The following TAFA4 variants were observed in gnomAD, a reference collection of about 807,000 sequenced individuals.
TAFA4 encodes the protein TAFA chemokine like family member 4.
In TAFA4, 20 loss-of-function variants were observed where a neutral mutation model predicts 21.1. That is an observed-to-expected ratio of 0.95 (90% confidence interval 0.67 to 1.38). The LOEUF is 1.38. Among genes scored for constraint, TAFA4 ranks in the 40% most tolerant of loss-of-function variants. The pLI is 0.00. For missense variants in TAFA4, 211 were observed against 180.9 expected (o/e 1.17, Z -0.95); for synonymous variants, 71 against 67.4 (o/e 1.05, Z -0.26).
chr3:68,813,502 G>A (rs1313325806), intron 3 of TAFA4, among the ~76,000 whole-genome samples: 1 of 152,156 alleles, frequency 6.6e-6, no homozygotes, highest in Non-Finnish European at 1.5e-5. Context: ...CGATCCCACA[G>A]AAATACAAAC....
chr3:68,851,890 G>A (rs7431682), intron 3 of TAFA4, among the ~76,000 whole-genome samples: 1 of 152,116 alleles, frequency 6.6e-6, no homozygotes, highest in Non-Finnish European at 1.5e-5. Flanking sequence ...CAGATCTATA[G>A]GACAAGGGTG....
intron 3 of TAFA4, among the ~76,000 whole-genome samples, chr3:68,767,116 G>C (rs1300214136): frequency 6.6e-6 from 1 of 152,104 alleles, no homozygotes; most frequent in Non-Finnish European, 1.5e-5. Flanking sequence ...TTACATGGAT[G>C]AATTGTATAG....
intron 3 of TAFA4, among the ~76,000 whole-genome samples, chr3:68,828,785 G>C (rs192535798): frequency 6.6e-6 from 1 of 152,112 alleles, no homozygotes; most frequent in Non-Finnish European, 1.5e-5. Flanking sequence ...GGGCTGAGAC[G>C]ATGGGGTTTT....
chr3:68,824,744 C>A (rs1190490556), intron 3 of TAFA4, among the ~76,000 whole-genome samples: 2 of 152,172 alleles, frequency 1.3e-5, no homozygotes, highest in African/African-American at 4.8e-5. Context: ...TCACAGATGA[C>A]AATTTTGAAG....
intron 3 of TAFA4, among the ~76,000 whole-genome samples, chr3:68,764,330 T>C (rs1326281957): frequency 2.0e-5 from 3 of 152,050 alleles, no homozygotes; most frequent in African/African-American, 7.2e-5. Flanking sequence ...TTGCCAGAGG[T>C]CCAAGATCAA....
chr3:68,785,371 C>G (rs1469973683), intron 3 of TAFA4, among the ~76,000 whole-genome samples: 3 of 152,234 alleles, frequency 2.0e-5, no homozygotes, highest in African/African-American at 7.2e-5. Context: ...GGGCTGCGCT[C>G]TCGTCGGGGA....
intron 1 of TAFA4, among the ~76,000 whole-genome samples, chr3:68,926,282 T>C (rs997342147): frequency 1.3e-5 from 2 of 150,506 alleles, no homozygotes; most frequent in African/African-American, 4.9e-5. Context: ...CAGGAGGGAA[T>C]TGGAAATAGG....
chr3:68,898,305 C>G (rs1210611311), intron 1 of TAFA4, among the ~76,000 whole-genome samples: 1 of 152,144 alleles, frequency 6.6e-6, no homozygotes, highest in Non-Finnish European at 1.5e-5. Flanking sequence ...TTGTTTTGCC[C>G]TCGTGTTTAA....
chr3:68,732,959 A>G lies in TAFA4; in HGVS notation c.*183T>C. 1.5e-6 allele frequency: 1 copy of G among 653,970 alleles called. No homozygotes were observed. Among genetic ancestry groups the G allele is most frequent in the Non-Finnish European group, 2.5e-6 (1 of 395,870 alleles). 40.5% of individuals were successfully genotyped at this position (653,970 alleles called of 1,614,324 possible). ...GCTTGTGGTTATAATTCAATGAAAT[A>G]AAATCACGAAGCAGAGAGGGCTGGG... On this transcript the variant is annotated 3_prime_UTR_variant, in exon 6 of 6. Transcript: ENST00000295569.
At chr3:68,768,568 A>G (rs1702898557) in intron 3 of TAFA4, among the ~76,000 whole-genome samples, 1 of 152,174 alleles carries the variant, frequency 6.6e-6, no homozygotes, top group Non-Finnish European at 1.5e-5. Flanking sequence ...ATAGAAGACT[A>G]TCTCATGTTC....
intron 5 of TAFA4, 77 bp from the exon 6 acceptor site, chr3:68,733,230 A>G: frequency 6.4e-7 from 1 of 1,561,702 alleles, no homozygotes. Flanking sequence ...CGAGACCAAT[A>G]AGGTCCTGAC....
intron 3 of TAFA4, among the ~76,000 whole-genome samples, chr3:68,821,018 G>C (rs1318926376): frequency 6.6e-6 from 1 of 152,168 alleles, no homozygotes; most frequent in Non-Finnish European, 1.5e-5. Flanking sequence ...AATACCCACG[G>C]ACTTAGTAGT....
intron 3 of TAFA4, among the ~76,000 whole-genome samples, chr3:68,774,187 C>T (rs1363796722): frequency 6.6e-6 from 1 of 152,120 alleles, no homozygotes; most frequent in Non-Finnish European, 1.5e-5. Context: ...CCTGGAAATA[C>T]CTGCTAAGAT....
intron 3 of TAFA4, among the ~76,000 whole-genome samples, chr3:68,821,729 T>G: frequency 6.6e-6 from 1 of 152,160 alleles, no homozygotes; most frequent in African/African-American, 2.4e-5. Flanking sequence ...ATTTTCAACC[T>G]TGCCATAAAG....
At chr3:68,794,647 G>A (rs557976042) in intron 3 of TAFA4, among the ~76,000 whole-genome samples, 187 of 152,166 alleles carry the variant, frequency 1.2e-3, no homozygotes, top group African/African-American at 4.3e-3. Context: ...ATGCCTACCT[G>A]CAGATGTCAC....
At chr3:68,888,154 G>A (rs1250034072) in intron 1 of TAFA4, among the ~76,000 whole-genome samples, 1 of 151,116 alleles carries the variant, frequency 6.6e-6, no homozygotes, top group Non-Finnish European at 1.5e-5. Context: ...TCTTCTAATG[G>A]AATCTTATAA....
intron 5 of TAFA4, among the ~76,000 whole-genome samples, chr3:68,737,859 A>C (rs1702272398): frequency 6.6e-6 from 1 of 152,182 alleles, no homozygotes; most frequent in Non-Finnish European, 1.5e-5. Context: ...GCTCAATAGC[A>C]ATGAGAACCA....
At chr3:68,781,403 A>C (rs888647376) in intron 3 of TAFA4, among the ~76,000 whole-genome samples, 1 of 151,990 alleles carries the variant, frequency 6.6e-6, no homozygotes. Context: ...AGAACAAAAG[A>C]GAAAAAATAT....
At chr3:68,854,838 C>T (rs1203692518) in intron 3 of TAFA4, among the ~76,000 whole-genome samples, 1 of 152,052 alleles carries the variant, frequency 6.6e-6, no homozygotes, top group Non-Finnish European at 1.5e-5. Flanking sequence ...TTCTGGAAAA[C>T]AGACTTGAAA....
Sources: allele counts gnomAD v4.1 joint callset (sites outside exome capture counted in the v4.1 genomes callset), GRCh38; gene constraint gnomAD v4.1.1; transcripts MANE v1.5; gene names NCBI Gene and HGNC (gene_info 2026-07-23, HGNC 2026-07-21).